Variants in SV2C observed in about 807,000 individuals in gnomAD.
SV2C encodes the protein solute carrier family 22 member B3.
Under a neutral mutation model 79.7 loss-of-function variants are expected in SV2C, and 49 were observed. That is an observed-to-expected ratio of 0.61 (90% CI 0.49 to 0.78). SV2C has a LOEUF of 0.78. SV2C is among the 30% of genes least tolerant of loss of function. The pLI is 0.00. For missense variants in SV2C, 833 were observed against 912.9 expected, an observed-to-expected ratio of 0.91 and a Z score of 1.13; for synonymous variants, 334 against 333.2, an observed-to-expected ratio of 1.00 and a Z score of -0.03.
chr5:76,295,687 G>C, intron 8 of SV2C, 91 bp from the exon 9 acceptor site: 6 of 1,284,430 alleles, frequency 4.7e-6, no homozygotes, highest in Admixed American at 2.4e-5. Flanking sequence ...CATTCTCCGG[G>C]AACTATTACC....
the SV2C span, among the ~76,000 whole-genome samples, chr5:75,928,994 C>T: frequency 1.3e-5 from 2 of 152,236 alleles, no homozygotes; most frequent in African/African-American, 4.8e-5. Context: ...GAGAGGAACC[C>T]CTGTGTTCTT....
At chr5:76,103,794 T>C (rs1747818814) in intron 1 of SV2C, among the ~76,000 whole-genome samples, 2 of 152,232 alleles carry the variant, frequency 1.3e-5, no homozygotes, top group African/African-American at 4.8e-5. Context: ...CATTTAAAGA[T>C]GAAATAATAT....
intron 3 of SV2C, among the ~76,000 whole-genome samples, chr5:76,201,743 G>A (rs1422455087): frequency 6.6e-6 from 1 of 152,116 alleles, no homozygotes; most frequent in Non-Finnish European, 1.5e-5. Context: ...CAGAGGCCGG[G>A]TACGGTGGCT....
At chr5:76,257,783 G>A (rs900785600) in intron 4 of SV2C, among the ~76,000 whole-genome samples, 1 of 151,358 alleles carries the variant, frequency 6.6e-6, no homozygotes, top group Non-Finnish European at 1.5e-5. Flanking sequence ...GGTGTATGTA[G>A]TATAGATGGT....
the SV2C span, among the ~76,000 whole-genome samples, chr5:75,918,765 T>G: frequency 6.6e-6 from 1 of 151,896 alleles, no homozygotes; most frequent in Non-Finnish European, 1.5e-5. Context: ...GAAGCAGAAG[T>G]CAGATAACAA....
At chr5:76,251,979 A>G (rs58278662) in intron 4 of SV2C, among the ~76,000 whole-genome samples, 5,680 of 152,270 alleles carry the variant, frequency 0.037, 209 homozygotes, top group African/African-American at 0.096. Context: ...AAGCCCAAAG[A>G]TTATTGTTAT....
chr5:76,291,904 A>T lies in SV2C; in HGVS notation c.1337+48A>T, dbSNP rs772335350. 3 of 1,336,028 alleles carry T rather than the reference A, an allele frequency of 2.2e-6. No individual in the cohort carries two copies. The South Asian group carries it at 3.7e-5, about 16-fold the overall frequency. The allele number at this position is 1,336,028 out of a possible 1,614,324, so 82.8% of individuals were successfully genotyped here. A position where few individuals can be genotyped will look rare whatever the true frequency, so the allele number is the denominator to read the frequency against. On this transcript the variant is annotated intron_variant, in intron 8 of 12. Coordinates refer to ENST00000502798, the MANE Select transcript of SV2C (RefSeq NM_014979.4). ...GCAAGCAAAATCGTTCAATGTCCAC[A>T]TTGTAACTCCTAGCCATGCTGCTTT...
the SV2C span, among the ~76,000 whole-genome samples, chr5:76,011,288 G>A: frequency 3.9e-5 from 6 of 151,994 alleles, no homozygotes; most frequent in African/African-American, 1.2e-4. Flanking sequence ...TGCTTGCTAA[G>A]GGCCAGACAT....
the SV2C span, among the ~76,000 whole-genome samples, chr5:75,962,553 A>G: frequency 6.6e-6 from 1 of 152,122 alleles, no homozygotes; most frequent in East Asian, 1.9e-4. Context: ...TTTCTTCTGT[A>G]CTGACTTCAT....
chr5:76,267,930 G>A (rs1746718496), intron 4 of SV2C, among the ~76,000 whole-genome samples: 1 of 152,194 alleles, frequency 6.6e-6, no homozygotes, highest in Non-Finnish European at 1.5e-5. Context: ...ACCACTTGGG[G>A]TGCTTGTTTG....
intron 12 of SV2C, among the ~76,000 whole-genome samples, chr5:76,308,927 T>C (rs1035913577): frequency 1.3e-5 from 2 of 152,140 alleles, no homozygotes; most frequent in African/African-American, 4.8e-5. Flanking sequence ...GTAAATCAGT[T>C]GTGGTCTTTA....
At position 76,195,048 on chromosome 5, in the gene SV2C, T is replaced by C. The variant is rs199642813; in HGVS notation, c.710T>C (p.Phe237Ser). 297 of 1,613,998 alleles carry C rather than the reference T, an allele frequency of 1.8e-4. No individual in the cohort carries two copies. The highest frequency in any genetic ancestry group is 3.9e-5 in the Non-Finnish European group (46 of 1,179,972). Residue 237 changes from phenylalanine (F) to serine (S), a missense_variant, in exon 3 of 13, where the codon TTT (phenylalanine) becomes TCT (serine). Physicochemically the swap from Phe to Ser is radical, Grantham distance 155 (BLOSUM62 -2). Transcript: ENST00000502798. Reference sequence around the variant, plus strand: ...GGATTCTTTGCCTTCCTTTCTTCATTTGTCCAAGGTTATGGCTTCTTTCTC... The same window carrying C: ...GGATTCTTTGCCTTCCTTTCTTCATCTGTCCAAGGTTATGGCTTCTTTCTC... The part of the protein sequence containing the change: ...VNGFFAFLSS[F>S]VQGYGFFLFC...
At chr5:76,188,316 T>G (rs1209852185) in intron 2 of SV2C, among the ~76,000 whole-genome samples, 1 of 152,214 alleles carries the variant, frequency 6.6e-6, no homozygotes, top group African/African-American at 2.4e-5. Flanking sequence ...TACACAGTAC[T>G]AAGCACTTTA....
intron 4 of SV2C, among the ~76,000 whole-genome samples, chr5:76,283,303 G>A (rs1747252290): frequency 1.3e-5 from 2 of 152,126 alleles, no homozygotes; most frequent in Non-Finnish European, 1.5e-5. Context: ...GCGACAGAGC[G>A]AGACTCCATC....
chr5:76,281,655 G>A (rs768290763), intron 4 of SV2C, among the ~76,000 whole-genome samples: 2 of 152,162 alleles, frequency 1.3e-5, no homozygotes, highest in Non-Finnish European at 2.9e-5. Context: ...CTCTAGGAGA[G>A]ATTATGTGTT....
the SV2C span, among the ~76,000 whole-genome samples, chr5:75,908,879 C>T: frequency 2.6e-5 from 4 of 152,132 alleles, no homozygotes; most frequent in Admixed American, 6.5e-5. Flanking sequence ...GTATAATAAA[C>T]TCTTATGTAG....
At chr5:75,964,367 C>T in the SV2C span, among the ~76,000 whole-genome samples, 13 of 152,230 alleles carry the variant, frequency 8.5e-5, no homozygotes, top group South Asian at 2.1e-4. Context: ...CAGAGTAGTC[C>T]TTCTCAAGTA....
At chr5:76,088,427 A>G (rs30201) in intron 1 of SV2C, among the ~76,000 whole-genome samples, 88,524 of 151,986 alleles carry the variant, frequency 0.58, 27,753 homozygotes, top group African/African-American at 0.82. Context: ...TGGAGGCTGG[A>G]AATTCCAAGA....
intron 1 of SV2C, among the ~76,000 whole-genome samples, chr5:76,114,547 G>T (rs1479293836): frequency 1.3e-5 from 2 of 152,192 alleles, no homozygotes; most frequent in Non-Finnish European, 2.9e-5. Context: ...AGGCCGACTT[G>T]ATCAATCTGG....
Sources: gnomAD v4.1 joint callset for allele counts (sites outside exome capture counted in the v4.1 genomes callset) on GRCh38, gnomAD v4.1.1 for gene constraint, MANE v1.5 for transcripts, NCBI Gene and HGNC (gene_info 2026-07-23, HGNC 2026-07-21) for gene names.